COL4A2: variants seen among roughly 807,000 people sequenced by gnomAD.
The protein encoded by COL4A2 is collagen alpha-2(IV) chain.
A neutral mutation model predicts 200.2 loss-of-function variants in COL4A2; 99 were observed. That is an observed-to-expected ratio of 0.49 (90% CI 0.42 to 0.58). The LOEUF is 0.58. Ranked by LOEUF, COL4A2 falls within the 20% of genes least tolerant of loss-of-function variation. The pLI is 0.00. For synonymous variants in COL4A2, 897 were observed against 900.6 expected, an observed-to-expected ratio of 1.00 and a Z score of 0.07; for missense variants, 1,950 against 2,314.1, an observed-to-expected ratio of 0.84 and a Z score of 3.23.
chr13:110,396,757 A>C (rs1023377789), intron 4 of COL4A2, among the ~76,000 whole-genome samples: 4 of 20,074 alleles, frequency 2.0e-4, no homozygotes, highest in African/African-American at 2.8e-4. Flanking sequence ...GGAGAGAATT[A>C]AAGGCGTTTC....
At chr13:110,332,080 G>A (rs9521698) in intron 3 of COL4A2, among the ~76,000 whole-genome samples, 92,476 of 152,102 alleles carry the variant, frequency 0.61, 28,250 homozygotes, top group East Asian at 0.75. Flanking sequence ...TGTGTTTTCT[G>A]TATGTAAAAT....
chr13:110,311,372 G>A (rs545060076), intron 3 of COL4A2, among the ~76,000 whole-genome samples: 16 of 152,296 alleles, frequency 1.1e-4, no homozygotes, highest in Admixed American at 3.9e-4. Context: ...AAATGGCTTC[G>A]TGTAAGGCAG....
intron 3 of COL4A2, among the ~76,000 whole-genome samples, chr13:110,335,201 C>T (rs973107515): frequency 3.3e-5 from 5 of 152,080 alleles, no homozygotes; most frequent in East Asian, 3.9e-4. Context: ...TGCCTGCAAC[C>T]GTGTCTCCAA....
At chr13:110,421,523 G>C (rs1035524711) in intron 4 of COL4A2, among the ~76,000 whole-genome samples, 5 of 152,204 alleles carry the variant, frequency 3.3e-5, no homozygotes, top group Non-Finnish European at 5.9e-5. Context: ...TAAATCCGTA[G>C]AGACAGAAAG....
At chr13:110,471,773 C>G (rs886958097) in intron 28 of COL4A2, among the ~76,000 whole-genome samples, 2 of 152,188 alleles carry the variant, frequency 1.3e-5, no homozygotes, top group Admixed American at 6.5e-5. Flanking sequence ...GTGGGATACA[C>G]CCCACAGAAC....
chr13:110,428,592 C>T lies in COL4A2; in HGVS notation c.477+9C>T, dbSNP rs1165772523. The T allele has an allele frequency of 2.7e-6, 4 of 1,454,888 alleles. No individual in the cohort carries two copies. Among genetic ancestry groups the T allele is most frequent in the Admixed American group, 2.6e-5 (1 of 38,782 alleles). 90.1% of individuals were successfully genotyped at this position (1,454,888 alleles called of 1,614,324 possible). A position where few individuals can be genotyped will look rare whatever the true frequency, so the allele number is the denominator to read the frequency against. ...GGTTCACCGGGCCTCCCGTGAGTAT[C>T]CCCACAGCGCCTGTGCTCCAGGGAC... On this transcript the variant is annotated intron_variant, in intron 7 of 47. Transcript: ENST00000360467.
intron 41 of COL4A2, among the ~76,000 whole-genome samples, chr13:110,502,349 C>T: frequency 6.6e-6 from 1 of 152,138 alleles, no homozygotes. Flanking sequence ...TTTTTTGAGA[C>T]AGCCTTGCTC....
chr13:110,501,510 GC>G (rs1285249440), intron 40 of COL4A2, among the ~76,000 whole-genome samples, 157 bp from the exon 41 acceptor site: 3 of 151,184 alleles, frequency 2.0e-5, no homozygotes, highest in Admixed American at 2.0e-4. Flanking sequence ...GGCCTCCCCA[GC>G]CCCACCATGA....
intron 3 of COL4A2, among the ~76,000 whole-genome samples, chr13:110,351,210 A>G (rs1365353365): frequency 4.2e-5 from 6 of 141,446 alleles, no homozygotes; most frequent in African/African-American, 1.6e-4. Flanking sequence ...CACCACACCC[A>G]GCTATTCTTT....
intron 29 of COL4A2, among the ~76,000 whole-genome samples, chr13:110,476,975 T>C (rs1882727750): frequency 6.6e-6 from 1 of 152,174 alleles, no homozygotes; most frequent in Admixed American, 6.5e-5. Context: ...AACTTTACAA[T>C]AGATATGAAG....
rs939310052 is a variant in COL4A2, at chr13:110,374,524, A to G, written c.180+16972A>G. Among the ~76,000 whole-genome samples, 5 of 152,376 alleles carry G rather than the reference A, an allele frequency of 3.3e-5. No individual in the cohort carries two copies. In the East Asian group the frequency reaches 9.6e-4, roughly 29 times the overall value. On this transcript the variant is annotated intron_variant, in intron 4 of 47. Transcript: ENST00000360467. ...AGTCTATAAGGCCACAGTTTTGTGA[A>G]TTAAATATCCATCCTTTTCCCCATC... is the stretch of plus-strand genomic sequence containing the variant.
chr13:110,329,735 C>T lies in COL4A2; in HGVS notation c.99+21612C>T, dbSNP rs1019057760. Among the ~76,000 whole-genome samples the T allele has an allele frequency of 4.9e-4, 74 of 152,168 alleles. 2 individuals are homozygous for T. Among genetic ancestry groups the T allele is most frequent in the Admixed American group, 4.3e-3 (65 of 15,272 alleles). On this transcript the variant is annotated intron_variant, in intron 3 of 47. Transcript: ENST00000360467. ...CCAAGCGAATTATTCCAGGTCCACA[C>T]GGCTCTGTTTGAAGTACTTCGGTGG...
chr13:110,482,491 A>G (rs1290480014), intron 31 of COL4A2, 25 bp from the exon 32 acceptor site: 2 of 1,610,936 alleles, frequency 1.2e-6, no homozygotes, highest in South Asian at 1.1e-5. Flanking sequence ...TGTCTAACCC[A>G]GCACTTTTCT....
At chr13:110,342,138 C>G (rs1876485428) in intron 3 of COL4A2, among the ~76,000 whole-genome samples, 1 of 152,098 alleles carries the variant, frequency 6.6e-6, no homozygotes, top group African/African-American at 2.4e-5. Context: ...GTGCCTAAGC[C>G]AGCTACTCAT....
chr13:110,417,690 G>T (rs1457405887), intron 4 of COL4A2, among the ~76,000 whole-genome samples: 1 of 152,144 alleles, frequency 6.6e-6, no homozygotes, highest in Non-Finnish European at 1.5e-5. Context: ...TTTCTAGAAT[G>T]TCATAAAAAT....
intron 4 of COL4A2, among the ~76,000 whole-genome samples, chr13:110,417,076 G>T (rs542053602): frequency 1.3e-5 from 2 of 152,196 alleles, no homozygotes; most frequent in South Asian, 4.1e-4. Context: ...CGCCTCCTGG[G>T]TTCACGCCAT....
At chr13:110,407,371 T>C (rs1036616741) in intron 4 of COL4A2, among the ~76,000 whole-genome samples, 1 of 151,964 alleles carries the variant, frequency 6.6e-6, no homozygotes, top group Non-Finnish European at 1.5e-5. Context: ...CACACAGTTG[T>C]GGAGATGTCA....
chr13:110,465,257 C>T lies in COL4A2; in HGVS notation c.1777-148C>T, dbSNP rs1032020184. 4.7e-6 allele frequency: 5 copies of T among 1,059,524 alleles called. No individual in the cohort carries two copies. In the East Asian group the frequency reaches 1.3e-4, roughly 28 times the overall value. 65.6% of individuals were successfully genotyped at this position (1,059,524 alleles called of 1,614,324 possible). On this transcript the variant is annotated intron_variant, in intron 24 of 47. Transcript: ENST00000360467. ...CACTGGCTCCTGTGACCTGGCTGAC[C>T]ATGGCACTAGGTTCCTGTTCATCTC...
At position 110,465,726 on chromosome 13, in the gene COL4A2, C is replaced by T. The variant is rs72657953; in HGVS notation, c.1978+120C>T. 81,608 of 1,005,098 alleles carry T rather than the reference C, an allele frequency of 0.081. 3,535 individuals are homozygous for T. The highest frequency in any genetic ancestry group is 0.15 in the Middle Eastern group (474 of 3,082). The allele number at this position is 1,005,098 out of a possible 1,614,324, so 62.3% of individuals were successfully genotyped here. On this transcript the variant is annotated intron_variant, in intron 25 of 47. Transcript: ENST00000360467. ...GATGCTGTTTTGCCTCATCTGTTCTCGCACGTACAAGGGATGACCCAACTG... is the reference window on the plus strand; with the variant it reads ...GATGCTGTTTTGCCTCATCTGTTCTTGCACGTACAAGGGATGACCCAACTG...
Sources: allele counts gnomAD v4.1 joint callset (sites outside exome capture counted in the v4.1 genomes callset), GRCh38; gene constraint gnomAD v4.1.1; transcripts MANE v1.5; gene names NCBI Gene and HGNC (gene_info 2026-07-23, HGNC 2026-07-21).